Variants in TRERF1 observed in about 807,000 individuals in gnomAD.
The protein encoded by TRERF1 is transcriptional regulating factor 1.
TRERF1 carries 27 observed loss-of-function variants against 122.9 expected under a neutral mutation model. The observed-to-expected ratio is 0.22, with a 90% CI of 0.16 to 0.30. TRERF1 has a LOEUF of 0.30. Ranked by LOEUF, TRERF1 falls within the 10% of genes least tolerant of loss-of-function variation. TRERF1 has a pLI of 1.00. For synonymous variants in TRERF1, 636 were observed against 641.7 expected, an observed-to-expected ratio of 0.99 and a Z score of 0.13; for missense variants, 1,248 against 1,560.3, an observed-to-expected ratio of 0.80 and a Z score of 3.37.
At chr6:42,376,855 T>G (rs1335441183) in intron 2 of TRERF1, among the ~76,000 whole-genome samples, 1 of 151,216 alleles carries the variant, frequency 6.6e-6, no homozygotes, top group Non-Finnish European at 1.5e-5. Context: ...CTAGCTAACT[T>G]TTAAAAAATA....
At chr6:42,344,723 AG>A (rs1348602625) in intron 3 of TRERF1, among the ~76,000 whole-genome samples, 1 of 152,174 alleles carries the variant, frequency 6.6e-6, no homozygotes, top group East Asian at 1.9e-4. Context: ...TAAATGTCAC[AG>A]CCCCCCACCA....
At chr6:42,427,863 A>T (rs962340289) in intron 2 of TRERF1, among the ~76,000 whole-genome samples, 1 of 152,108 alleles carries the variant, frequency 6.6e-6, no homozygotes, top group African/African-American at 2.4e-5. Flanking sequence ...TCTTTTTAAT[A>T]TATATAAAAA....
At chr6:42,404,680 C>A (rs1779916936) in intron 2 of TRERF1, among the ~76,000 whole-genome samples, 1 of 152,202 alleles carries the variant, frequency 6.6e-6, no homozygotes, top group East Asian at 1.9e-4. Flanking sequence ...ATACTCTCCT[C>A]CTGCCTCTTG....
chr6:42,408,231 G>A lies in TRERF1; in HGVS notation c.-454+42946C>T, dbSNP rs372390064. ...AATAAATATATATATATATATATGTGTGTGTGTATGTATATATACATACAC... is the reference window on the plus strand; with the variant it reads ...AATAAATATATATATATATATATGTATGTGTGTATGTATATATACATACAC... On this transcript the variant is annotated intron_variant, in intron 2 of 17. Coordinates refer to ENST00000372922, the Ensembl canonical transcript of TRERF1. Among the ~76,000 whole-genome samples, 69 of 86,720 alleles carry A rather than the reference G, an allele frequency of 8.0e-4. 1 individual carries two copies. The South Asian group carries it at 0.011, about 14-fold the overall frequency. The allele number at this position is 86,720 out of a possible 152,430, so 56.9% of individuals were successfully genotyped here.
intron 7 of TRERF1, 35 bp downstream of exon 7, chr6:42,264,669 G>C (rs377150078): frequency 1.6e-5 from 26 of 1,605,808 alleles, no homozygotes; most frequent in African/African-American, 2.7e-5. Flanking sequence ...AGCAGCACAC[G>C]ACCTAGAAAG....
At chr6:42,378,004 C>T (rs1458177820) in intron 2 of TRERF1, among the ~76,000 whole-genome samples, 2 of 152,084 alleles carry the variant, frequency 1.3e-5, no homozygotes, top group Non-Finnish European at 2.9e-5. Flanking sequence ...TTGCACTGAG[C>T]TCAGTAAATT....
chr6:42,406,540 C>G (rs1780205685), intron 2 of TRERF1, among the ~76,000 whole-genome samples: 1 of 152,196 alleles, frequency 6.6e-6, no homozygotes, highest in Non-Finnish European at 1.5e-5. Flanking sequence ...CAATCGGGCT[C>G]CAATGAGTTA....
At chr6:42,356,975 C>T (rs1227466640) in intron 3 of TRERF1, among the ~76,000 whole-genome samples, 2 of 152,114 alleles carry the variant, frequency 1.3e-5, no homozygotes, top group African/African-American at 4.8e-5. Context: ...AGCACAATGT[C>T]GTCTGCCGTG....
chr6:42,425,351 G>GCA (rs1783450097), intron 2 of TRERF1, among the ~76,000 whole-genome samples: 9 of 147,642 alleles, frequency 6.1e-5, no homozygotes, highest in Non-Finnish European at 8.9e-5. Flanking sequence ...AAATATGACA[G>GCA]CCCCCAACCA....
At chr6:42,449,064 C>T (rs534807597) in intron 2 of TRERF1, among the ~76,000 whole-genome samples, 4 of 152,218 alleles carry the variant, frequency 2.6e-5, no homozygotes, top group Admixed American at 6.5e-5. Context: ...AGGCCCAAGC[C>T]GGTTATAGGA....
chr6:42,411,172 G>A lies in TRERF1; in HGVS notation c.-454+40005C>T, dbSNP rs1409209535. Among the ~76,000 whole-genome samples, 19 of 152,170 alleles carry A rather than the reference G, an allele frequency of 1.2e-4. No individual in the cohort carries two copies. The East Asian group carries it at 3.5e-3, about 28-fold the overall frequency. On this transcript the variant is annotated intron_variant, in intron 2 of 17. Coordinates refer to ENST00000372922, the Ensembl canonical transcript of TRERF1. ...AGGCTCCATCCATCCGGCTGGACTGGGCAAGATTCCAACCCCTGAGAGTAG... is the reference window on the plus strand; with the variant it reads ...AGGCTCCATCCATCCGGCTGGACTGAGCAAGATTCCAACCCCTGAGAGTAG...
intron 2 of TRERF1, among the ~76,000 whole-genome samples, chr6:42,434,157 A>T (rs1372892117): frequency 6.6e-6 from 1 of 152,226 alleles, no homozygotes; most frequent in Admixed American, 6.5e-5. Context: ...TACAGAAATG[A>T]GTTCCAGAGA....
In TRERF1 at chr6:42,302,349, C is replaced by T. The variant is rs74891493; in HGVS notation, c.-370-1600G>A. On this transcript the variant is annotated intron_variant, in intron 3 of 17. Coordinates refer to ENST00000372922, the Ensembl canonical transcript of TRERF1. ...TGAGGGAGGCATTACAAGTCATTTTCACCCATTTGAATGTTTAAGAGAAAG... is the reference window on the plus strand; with the variant it reads ...TGAGGGAGGCATTACAAGTCATTTTTACCCATTTGAATGTTTAAGAGAAAG... 3.9e-5 allele frequency among the ~76,000 whole-genome samples: 6 copies of T among 152,300 alleles called. No individual in the cohort carries two copies. In the East Asian group the frequency reaches 1.2e-3, roughly 29 times the overall value.
intron 15 of TRERF1, among the ~76,000 whole-genome samples, chr6:42,239,831 TG>T (rs551789531): frequency 4.5e-4 from 68 of 152,140 alleles, no homozygotes; most frequent in African/African-American, 1.4e-3. Flanking sequence ...AGCTGTGAGC[TG>T]CCATATTGGC....
At chr6:42,295,866 T>A (rs1447059592) in intron 4 of TRERF1, among the ~76,000 whole-genome samples, 1 of 152,214 alleles carries the variant, frequency 6.6e-6, no homozygotes, top group Non-Finnish European at 1.5e-5. Context: ...AAAAGACTTG[T>A]TGCCTGATAG....
chr6:42,434,413 A>C (rs1582210774), intron 2 of TRERF1, among the ~76,000 whole-genome samples: 1 of 152,198 alleles, frequency 6.6e-6, no homozygotes, highest in East Asian at 1.9e-4. Flanking sequence ...GAGAAAAAAC[A>C]GATATGTTAC....
rs140072376 is a variant in TRERF1, at chr6:42,351,002, AACACAC to A, written c.-371+11989_-371+11994del. On this transcript the variant is annotated intron_variant, in intron 3 of 17. Transcript: ENST00000372922. ...TCTCTCCCTCTCTCTCACACACACAAACACACACACACACACACAGATTACTGATGG... is the reference window on the plus strand; with the variant it reads ...TCTCTCCCTCTCTCTCACACACACAAACACACACACACAGATTACTGATGG... 2.0e-5 allele frequency among the ~76,000 whole-genome samples: 3 copies of A among 149,756 alleles called. No individual in the cohort carries two copies. The Middle Eastern group carries it at 0.01, about 509-fold the overall frequency.
At chr6:42,271,398 T>C (rs1453796747) in intron 4 of TRERF1, among the ~76,000 whole-genome samples, 1 of 152,122 alleles carries the variant, frequency 6.6e-6, no homozygotes, top group Non-Finnish European at 1.5e-5. Flanking sequence ...CTCATGCTAG[T>C]AATAAATAAT....
chr6:42,300,109 G>C (rs1048556559), intron 4 of TRERF1, among the ~76,000 whole-genome samples: 37 of 152,194 alleles, frequency 2.4e-4, no homozygotes, highest in South Asian at 1.0e-3. Flanking sequence ...ATGTGGAAGA[G>C]TCTTTGAAAG....
Sources: allele counts gnomAD v4.1 joint callset (sites outside exome capture counted in the v4.1 genomes callset), GRCh38; gene constraint gnomAD v4.1.1; transcripts MANE v1.5; gene names NCBI Gene and HGNC (gene_info 2026-07-23, HGNC 2026-07-21).